DDX6: variants seen among roughly 807,000 people sequenced by gnomAD.
The protein encoded by DDX6 is DEAD-box helicase 6, also known as probable ATP-dependent RNA helicase DDX6.
In DDX6, 7 loss-of-function variants were observed where a neutral mutation model predicts 60.6. The observed-to-expected ratio is 0.12, with a 90% CI of 0.07 to 0.22. The LOEUF is 0.22. Among genes scored for constraint, DDX6 ranks in the 10% least tolerant of loss-of-function variants. The pLI is 1.00. For missense variants in DDX6, 270 were observed against 589.9 expected, an observed-to-expected ratio of 0.46 and a Z score of 5.62; for synonymous variants, 207 against 201.0, an observed-to-expected ratio of 1.03 and a Z score of -0.25.
At chr11:118,752,984 TTATG>T (rs1441133683) in intron 13 of DDX6, among the ~76,000 whole-genome samples, 2 of 152,080 alleles carry the variant, frequency 1.3e-5, no homozygotes, top group African/African-American at 2.4e-5. Flanking sequence ...GGTATTTTAT[TTATG>T]TATTTGACGG....
rs1860698554 is a variant in DDX6, at chr11:118,749,987, G to A, written c.*2118C>T. The stretch of plus-strand genomic sequence containing the variant: ...GGCTATGTCCCATCAGGAGGCATCT[G>A]TAGGATTTTGATCTCCAAGGAATTG... On this transcript the variant is annotated 3_prime_UTR_variant, in exon 14 of 14. Coordinates refer to ENST00000534980, the MANE Select transcript of DDX6 (RefSeq NM_004397.6). 1 of 152,570 alleles carries A rather than the reference G, an allele frequency of 6.6e-6. No homozygotes were observed. The highest frequency in any genetic ancestry group is 2.4e-5 in the African/African-American group (1 of 41,420). The allele number at this position is 152,570 out of a possible 1,614,324, so 9.5% of individuals were successfully genotyped here.
intron 8 of DDX6, 149 bp downstream of exon 8, chr11:118,759,773 A>G (rs1861103903): frequency 2.4e-6 from 2 of 847,426 alleles, no homozygotes; most frequent in African/African-American, 1.8e-5. Flanking sequence ...TACGTAAAAC[A>G]AATCTTTAAT....
intron 2 of DDX6, among the ~76,000 whole-genome samples, chr11:118,783,889 G>A (rs1220266498): frequency 6.6e-6 from 1 of 150,666 alleles, no homozygotes; most frequent in Non-Finnish European, 1.5e-5. Flanking sequence ...GTCGAGGTGG[G>A]CAGATCACTT....
chr11:118,756,006 T>G, intron 11 of DDX6, among the ~76,000 whole-genome samples: 1 of 92,058 alleles, frequency 1.1e-5, no homozygotes, highest in Non-Finnish European at 2.1e-5. Context: ...TGACAAAGAT[T>G]CCATCCCCCT....
chr11:118,766,586 T>C (rs1565568136), intron 5 of DDX6, among the ~76,000 whole-genome samples: 1 of 152,154 alleles, frequency 6.6e-6, no homozygotes, highest in African/African-American at 2.4e-5. Flanking sequence ...TATATAAATA[T>C]TAAACTCTTC....
In DDX6 at chr11:118,758,882, G is replaced by A; in HGVS notation, c.885C>T (p.Pro295=). The A allele has an allele frequency of 6.2e-7, 1 of 1,613,744 alleles. No individual in the cohort carries two copies. The highest frequency in any genetic ancestry group is 8.5e-7 in the Non-Finnish European group (1 of 1,179,782). The change falls in exon 9 of 14, where the codon CCC becomes CCT. Residue 295 remains proline (P), a synonymous_variant. Coordinates refer to ENST00000534980, the MANE Select transcript of DDX6 (RefSeq NM_004397.6). ...QKFMNSHLQK[P]YEINLMEELT... is the part of the protein sequence containing the mutation. ...GTTCCTCCATCAGGTTAATCTCATA[G>A]GGTTTCTGCAAATGGGAATTCTGGG...
chr11:118,771,610 C>T (rs1400527854), intron 4 of DDX6, among the ~76,000 whole-genome samples: 1 of 152,158 alleles, frequency 6.6e-6, no homozygotes, highest in Non-Finnish European at 1.5e-5. Context: ...GAGGAACTGC[C>T]AGGGAGAAGG....
chr11:118,765,962 T>C (rs916611424), intron 5 of DDX6, among the ~76,000 whole-genome samples: 63 of 151,852 alleles, frequency 4.1e-4, no homozygotes, highest in African/African-American at 1.5e-3. Context: ...TCCCAGCTAC[T>C]TGGGAGGCTG....
intron 13 of DDX6, among the ~76,000 whole-genome samples, chr11:118,752,387 G>C (rs1301214308): frequency 6.6e-6 from 1 of 152,192 alleles, no homozygotes; most frequent in Non-Finnish European, 1.5e-5. Context: ...CAAAGTACTA[G>C]CAAACATTGG....
At chr11:118,773,681 T>TA (rs782286238) in intron 4 of DDX6, among the ~76,000 whole-genome samples, 2 of 151,034 alleles carry the variant, frequency 1.3e-5, no homozygotes, top group Non-Finnish European at 2.9e-5. Context: ...AGGGAGATGG[T>TA]AATTTCTAAT....
intron 1 of DDX6, chr11:118,790,344 A>T (rs1295285412): frequency 6.6e-6 from 1 of 152,076 alleles, no homozygotes; most frequent in Non-Finnish European, 1.5e-5. Flanking sequence ...CAACCGCTCC[A>T]TTAGTAGCAA....
At chr11:118,768,440 C>T (rs750215214) in intron 4 of DDX6, 88 bp from the exon 5 acceptor site, 412 of 1,432,036 alleles carry the variant, frequency 2.9e-4, no homozygotes, top group Non-Finnish European at 3.6e-4. Flanking sequence ...ATACCTCTTT[C>T]GGTATTGCTT....
At chr11:118,768,395 A>C in intron 4 of DDX6, 43 bp from the exon 5 acceptor site, 2 of 1,603,186 alleles carry the variant, frequency 1.2e-6, no homozygotes, top group South Asian at 1.1e-5. Flanking sequence ...TGAATGTAGT[A>C]CACAAGCAAA....
At chr11:118,777,951 C>A in intron 4 of DDX6, among the ~76,000 whole-genome samples, 1 of 140,108 alleles carries the variant, frequency 7.1e-6, no homozygotes, top group African/African-American at 2.6e-5. Context: ...GGGGACACAT[C>A]ATAAAAACAT....
At chr11:118,784,640 G>A (rs1862013881) in intron 2 of DDX6, among the ~76,000 whole-genome samples, 1 of 151,946 alleles carries the variant, frequency 6.6e-6, no homozygotes, top group East Asian at 1.9e-4. Context: ...TGTATTTTTA[G>A]TAAAGACAGG....
intron 2 of DDX6, among the ~76,000 whole-genome samples, chr11:118,785,061 C>T (rs908249459): frequency 1.3e-5 from 2 of 152,146 alleles, no homozygotes; most frequent in Non-Finnish European, 2.9e-5. Flanking sequence ...TGCCACTGCA[C>T]CCGGACCTAT....
chr11:118,779,449 C>T (rs1861815098), intron 4 of DDX6, among the ~76,000 whole-genome samples, 183 bp downstream of exon 4: 1 of 152,116 alleles, frequency 6.6e-6, no homozygotes, highest in Admixed American at 6.6e-5. Flanking sequence ...TAAAGAAATA[C>T]ACACCGAAAT....
intron 5 of DDX6, among the ~76,000 whole-genome samples, chr11:118,765,556 C>T (rs1555161147): frequency 6.6e-6 from 1 of 152,118 alleles, no homozygotes; most frequent in Non-Finnish European, 1.5e-5. Flanking sequence ...GGGCAGATCA[C>T]CTGAGGTCAG....
intron 1 of DDX6, chr11:118,787,193 C>A (rs577891018): frequency 6.6e-6 from 1 of 152,028 alleles, no homozygotes; most frequent in African/African-American, 2.4e-5. Context: ...AAATTTAGGC[C>A]GGGTGCAGTG....
Sources: gnomAD v4.1 joint callset for allele counts (sites outside exome capture counted in the v4.1 genomes callset) on GRCh38, gnomAD v4.1.1 for gene constraint, MANE v1.5 for transcripts, NCBI Gene and HGNC (gene_info 2026-07-23, HGNC 2026-07-21) for gene names.